REDIC1: variants seen among roughly 807,000 people sequenced by gnomAD.
The protein encoded by REDIC1 is regulator of DNA class I crossover intermediates 1, also known as HEI10 Interacting Protein 1.
At chr12:39,714,167 G>GTATATGTATATACATGCATATATGTA in the REDIC1 span, among the ~76,000 whole-genome samples, 4 of 139,824 alleles carry the variant, frequency 2.9e-5, no homozygotes, top group South Asian at 2.1e-4. Context: ...GCATATATGC[G>GTATATGTATATACATGCATATATGTA]TATATGTATA....
At chr12:39,841,366 A>T in the REDIC1 span, among the ~76,000 whole-genome samples, 2 of 152,120 alleles carry the variant, frequency 1.3e-5, no homozygotes, top group African/African-American at 4.8e-5. Context: ...CTTGCATTTC[A>T]TCTGAACAAA....
chr12:39,667,437 T>G, the REDIC1 span, among the ~76,000 whole-genome samples: 1 of 152,204 alleles, frequency 6.6e-6, no homozygotes, highest in Non-Finnish European at 1.5e-5. Flanking sequence ...AGAGACAGTT[T>G]GTTATAATTT....
At chr12:39,713,335 CGTGTATATATGTGTATACACAT>C in the REDIC1 span, among the ~76,000 whole-genome samples, 1 of 139,682 alleles carries the variant, frequency 7.2e-6, no homozygotes, top group Non-Finnish European at 1.5e-5. Flanking sequence ...TACACATATA[CGTGTATATATGTGTATACACAT>C]ATACGTGTAT....
the REDIC1 span, among the ~76,000 whole-genome samples, chr12:39,643,330 A>AATTTGC: frequency 0.012 from 1,803 of 151,824 alleles, 33 homozygotes; most frequent in African/African-American, 0.04. Context: ...GTTGCAGATT[A>AATTTGC]ATTTGCACAT....
the REDIC1 span, among the ~76,000 whole-genome samples, chr12:39,714,082 C>CGTGTATATATATATGT: frequency 1.8e-5 from 1 of 56,280 alleles, no homozygotes; most frequent in South Asian, 5.2e-4. Flanking sequence ...CGTGTATATA[C>CGTGTATATATATATGT]ACATATATGT....
the REDIC1 span, among the ~76,000 whole-genome samples, chr12:39,681,917 C>T: frequency 6.6e-6 from 1 of 152,198 alleles, no homozygotes; most frequent in Middle Eastern, 3.4e-3. Flanking sequence ...TTTGTAGTCA[C>T]TGACAATAAA....
At chr12:39,750,505 C>A in the REDIC1 span, among the ~76,000 whole-genome samples, 5 of 152,148 alleles carry the variant, frequency 3.3e-5, no homozygotes, top group African/African-American at 1.2e-4. Flanking sequence ...TTTATAGATT[C>A]AATGCCATCC....
At chr12:39,706,972 A>C in the REDIC1 span, among the ~76,000 whole-genome samples, 1 of 151,988 alleles carries the variant, frequency 6.6e-6, no homozygotes, top group Admixed American at 6.6e-5. Flanking sequence ...AATAACAAGC[A>C]TAGGGAACCA....
chr12:39,710,899 T>C, the REDIC1 span, among the ~76,000 whole-genome samples: 3 of 151,666 alleles, frequency 2.0e-5, no homozygotes, highest in Non-Finnish European at 2.9e-5. Flanking sequence ...ATTCTTTTTT[T>C]TTAATTTTTA....
the REDIC1 span, among the ~76,000 whole-genome samples, chr12:39,816,539 C>A: frequency 3.3e-5 from 5 of 151,378 alleles, no homozygotes; most frequent in African/African-American, 4.9e-5. Context: ...TGTAACAAAC[C>A]TGCACGTTGT....
At chr12:39,819,030 T>C in the REDIC1 span, among the ~76,000 whole-genome samples, 1 of 152,120 alleles carries the variant, frequency 6.6e-6, no homozygotes, top group Non-Finnish European at 1.5e-5. Context: ...AATCATAGTT[T>C]TCAGACAACC....
the REDIC1 span, chr12:39,646,288 A>G: frequency 4.6e-6 from 3 of 650,544 alleles, no homozygotes; most frequent in Admixed American, 4.2e-5. Flanking sequence ...ACAATTTTTT[A>G]TTCTTATTTT....
the REDIC1 span, among the ~76,000 whole-genome samples, chr12:39,669,415 T>C: frequency 1.1e-4 from 17 of 152,106 alleles, no homozygotes; most frequent in South Asian, 3.5e-3. Context: ...CCTCTGGAAG[T>C]TTTTTCTCAG....
the REDIC1 span, among the ~76,000 whole-genome samples, chr12:39,713,012 CA>C: frequency 7.5e-6 from 1 of 133,684 alleles, no homozygotes; most frequent in Non-Finnish European, 1.6e-5. Flanking sequence ...TGTATATATA[CA>C]TGTGTATATA....
the REDIC1 span, among the ~76,000 whole-genome samples, chr12:39,675,524 C>T: frequency 6.6e-6 from 1 of 152,184 alleles, no homozygotes; most frequent in Non-Finnish European, 1.5e-5. Context: ...ATTATAGCAA[C>T]TCAGAACAAG....
chr12:39,831,441 T>C, the REDIC1 span, among the ~76,000 whole-genome samples: 37 of 152,236 alleles, frequency 2.4e-4, no homozygotes, highest in African/African-American at 7.5e-4. Context: ...AAAGGAGAAA[T>C]AGGTCATCTG....
chr12:39,865,003 C>G, the REDIC1 span: 1 of 886,834 alleles, frequency 1.1e-6, no homozygotes, highest in Non-Finnish European at 1.6e-6. Flanking sequence ...AAAAAAAATA[C>G]CGTGCTCTAT....
chr12:39,735,290 G>A, the REDIC1 span, among the ~76,000 whole-genome samples: 1 of 152,146 alleles, frequency 6.6e-6, no homozygotes, highest in African/African-American at 2.4e-5. Flanking sequence ...CATAGTGAGG[G>A]CTGAAAGGAA....
At chr12:39,692,093 A>C in the REDIC1 span, 1 of 1,576,916 alleles carries the variant, frequency 6.3e-7, no homozygotes, top group South Asian at 1.2e-5. Flanking sequence ...AAAGCAAGCG[A>C]ATATCTACTA....
Sources: gnomAD v4.1 joint callset for allele counts (sites outside exome capture counted in the v4.1 genomes callset) on GRCh38, gnomAD v4.1.1 for gene constraint, MANE v1.5 for transcripts, NCBI Gene and HGNC (gene_info 2026-07-23, HGNC 2026-07-21) for gene names.